The following ACSF2 variants were observed in gnomAD, a reference collection of about 807,000 sequenced individuals.
The protein encoded by ACSF2 is acyl-CoA synthetase family member 2.
A neutral mutation model predicts 79.3 loss-of-function variants in ACSF2; 52 were observed. That is an observed-to-expected ratio of 0.66 (90% CI 0.53 to 0.83). The LOEUF (loss-of-function observed/expected upper bound fraction) is 0.83, where lower values mean the gene tolerates loss of function less well. ACSF2 is among the 40% of genes least tolerant of loss of function. The pLI, the probability that ACSF2 is intolerant of heterozygous loss-of-function variation, is 0.00. For missense variants in ACSF2, 661 were observed against 803.3 expected, an observed-to-expected ratio of 0.82 and a Z score of 2.14; for synonymous variants, 283 against 312.6, an observed-to-expected ratio of 0.91 and a Z score of 1.00.
At chr17:50,455,928 C>T (rs1567850956) in intron 1 of ACSF2, among the ~76,000 whole-genome samples, 2 of 152,176 alleles carry the variant, frequency 1.3e-5, no homozygotes, top group South Asian at 2.1e-4. Context: ...CAGCCCCTGT[C>T]GTGACAGACC....
intron 10 of ACSF2, chr17:50,464,771 G>C (rs577577426): frequency 6.7e-5 from 22 of 328,800 alleles, no homozygotes; most frequent in South Asian, 3.3e-4. Flanking sequence ...GATTGACTTG[G>C]GGGGGGGGTC....
intron 11 of ACSF2, 102 bp from the exon 12 acceptor site, chr17:50,472,326 G>A: frequency 7.1e-7 from 1 of 1,410,518 alleles, no homozygotes. Flanking sequence ...CAGGCAGTTG[G>A]GTTGGGGGGT....
chr17:50,449,061 G>C (rs1480064241), intron 1 of ACSF2, among the ~76,000 whole-genome samples: 1 of 136,662 alleles, frequency 7.3e-6, no homozygotes, highest in Non-Finnish European at 1.5e-5. Context: ...CTGTCACCCA[G>C]GCTGGAGTGC....
rs776736009 is a variant in ACSF2 at position 50,426,397 on chromosome 17, C to T, written c.128+8C>T. ...GGGTGTCCGCTTCCTCAGGTACTGGCCCCCCGCGGGAAGAGAGGGGGCGGG... is the reference window on the plus strand; with the variant it reads ...GGGTGTCCGCTTCCTCAGGTACTGGTCCCCCGCGGGAAGAGAGGGGGCGGG... On this transcript the variant is annotated splice_region_variant and intron_variant, in intron 1 of 15. Coordinates refer to ENST00000300441, the MANE Select transcript of ACSF2 (RefSeq NM_025149.6). The T allele has an allele frequency of 1.3e-5, 17 of 1,327,704 alleles. No individual in the cohort carries two copies. In the South Asian group the frequency reaches 2.3e-4, roughly 18 times the overall value. 82.2% of individuals were successfully genotyped at this position (1,327,704 alleles called of 1,614,324 possible).
Position 50,466,073 on chromosome 17 carries a change from CTTT to C in ACSF2, c.1215+1793_1215+1795del, listed in dbSNP as rs10707664. 7.5e-5 allele frequency among the ~76,000 whole-genome samples: 9 copies of C among 120,028 alleles called. No individual in the cohort carries two copies. In the South Asian group the frequency reaches 7.9e-4, roughly 10 times the overall value. The allele number at this position is 120,028 out of a possible 152,430, so 78.7% of individuals were successfully genotyped here. A position where few individuals can be genotyped will look rare whatever the true frequency, so the allele number is the denominator to read the frequency against. On this transcript the variant is annotated intron_variant, in intron 10 of 15. Transcript: ENST00000300441. ...CCTTTGAGACAGATGGTGTTATTTT[CTTT>C]TTTTTTTTTTTTTCCTTTTTTTTTT...
At chr17:50,429,868 A>G (rs1442123057) in intron 1 of ACSF2, among the ~76,000 whole-genome samples, 1 of 152,150 alleles carries the variant, frequency 6.6e-6, no homozygotes, top group African/African-American at 2.4e-5. Flanking sequence ...TGCTCTCCAG[A>G]ACTCCTCACG....
chr17:50,468,262 G>GCT, intron 10 of ACSF2: 1 of 1,611,362 alleles, frequency 6.2e-7, no homozygotes, highest in Non-Finnish European at 8.5e-7. Context: ...GCTGCAGGGA[G>GCT]CTCAACGCGT....
At chr17:50,460,483 G>A in intron 1 of ACSF2, 194 bp from the exon 2 acceptor site, 2 of 602,970 alleles carry the variant, frequency 3.3e-6, no homozygotes, top group Non-Finnish European at 5.8e-6. Context: ...TCCCTGTCCT[G>A]CTGCCTTGGG....
chr17:50,464,079 A>C, intron 9 of ACSF2, 139 bp from the exon 10 acceptor site: 1 of 1,228,572 alleles, frequency 8.1e-7, no homozygotes, highest in Non-Finnish European at 1.2e-6. Context: ...ACACCAGCCC[A>C]GGGCCAGCTG....
intron 10 of ACSF2, chr17:50,468,565 C>T (rs201158957): frequency 3.7e-6 from 6 of 1,614,232 alleles, no homozygotes; most frequent in Non-Finnish European, 4.2e-6. Flanking sequence ...TCTGGCAGTG[C>T]TGCAGGTGCA....
At chr17:50,454,916 G>A (rs1349273740) in intron 1 of ACSF2, among the ~76,000 whole-genome samples, 2 of 152,072 alleles carry the variant, frequency 1.3e-5, no homozygotes, top group African/African-American at 4.8e-5. Flanking sequence ...CCACTGTTTG[G>A]TCTGAAAACC....
intron 1 of ACSF2, among the ~76,000 whole-genome samples, chr17:50,430,373 TAAAAG>T: frequency 6.6e-6 from 1 of 152,170 alleles, no homozygotes; most frequent in Admixed American, 6.5e-5. Flanking sequence ...AGTGGGTTTT[TAAAAG>T]AAAAGAAGGC....
intron 1 of ACSF2, among the ~76,000 whole-genome samples, chr17:50,458,414 A>T (rs934587906): frequency 1.3e-5 from 2 of 152,086 alleles, no homozygotes; most frequent in African/African-American, 4.8e-5. Flanking sequence ...CCTCTGCTGG[A>T]AAAGCCCTCC....
chr17:50,434,321 A>G (rs931406889), intron 1 of ACSF2, among the ~76,000 whole-genome samples: 4 of 151,510 alleles, frequency 2.6e-5, no homozygotes, highest in Admixed American at 2.6e-4. Context: ...CATGTCTCAA[A>G]TAATAATAAT....
intron 1 of ACSF2, among the ~76,000 whole-genome samples, chr17:50,432,685 G>A (rs1367694384): frequency 6.6e-6 from 1 of 152,148 alleles, no homozygotes; most frequent in Non-Finnish European, 1.5e-5. Context: ...CTTACAAATC[G>A]TGCTTTATAA....
rs917299412 is a variant in ACSF2 at position 50,473,712 on chromosome 17, G to A, written c.1523G>A (p.Arg508His). Residue 508 changes from arginine to histidine, a missense_variant, in exon 13 of 16, where the codon CGC becomes CAC. Coordinates refer to ENST00000300441, the MANE Select transcript of ACSF2 (RefSeq NM_025149.6). ...CAGGGCTTCTGCAAGATCGTGGGCC[G>A]CTCTAAGGATATGATCATCCGGGGT... ...NEQGFCKIVG[R>H]SKDMIIRGGE... 6.2e-6 allele frequency: 10 copies of A among 1,614,050 alleles called. No individual in the cohort carries two copies. The highest frequency in any genetic ancestry group is 1.6e-4 in the Middle Eastern group (1 of 6,080).
Position 50,426,379 on chromosome 17 carries a change from C to T in ACSF2, c.118C>T (p.Arg40Cys), listed in dbSNP as rs760599020. The T allele has an allele frequency of 2.0e-5, 27 of 1,374,740 alleles. No homozygotes were observed. The highest frequency in any genetic ancestry group is 2.5e-5 in the Non-Finnish European group (26 of 1,056,814). The allele number at this position is 1,374,740 out of a possible 1,614,324, so 85.2% of individuals were successfully genotyped here. A position where few individuals can be genotyped will look rare whatever the true frequency, so the allele number is the denominator to read the frequency against. The part of the protein sequence containing the change: ...SWQEARLQGV[R>C]FLSSREVDRM... ...GCAGGAAGCCAGGTTGCAGGGTGTC[C>T]GCTTCCTCAGGTACTGGCCCCCCGC... Residue 40 changes from arginine to cysteine, a missense_variant, in exon 1 of 16, where the codon CGC becomes TGC. Transcript: ENST00000300441.
intron 10 of ACSF2, chr17:50,468,241 C>T: frequency 6.2e-7 from 1 of 1,612,264 alleles, no homozygotes; most frequent in Non-Finnish European, 8.5e-7. Context: ...CCACGTCGTC[C>T]AGGGCCCCGG....
At position 50,474,484 on chromosome 17, in the gene ACSF2, C is replaced by G. The variant is rs1227251754; in HGVS notation, c.1798-18C>G. 1.2e-6 allele frequency: 2 copies of G among 1,613,772 alleles called. No individual in the cohort carries two copies. Among genetic ancestry groups the G allele is most frequent in the South Asian group, 2.2e-5 (2 of 91,060 alleles). On this transcript the variant is annotated intron_variant, in intron 15 of 15. Transcript: ENST00000300441. The surrounding 1 kb of genome is among the most constrained non-coding windows in gnomAD (Gnocchi z 4.2). ...ACCAAGACAGCTGGTAACCCTAACT[C>G]CATTTTCTTTCCTCTAGATCCAGAA... is the stretch of plus-strand genomic sequence containing the variant.
Sources: gnomAD v4.1 joint callset for allele counts (sites outside exome capture counted in the v4.1 genomes callset) on GRCh38, gnomAD v4.1.1 for gene constraint, Gnocchi (gnomAD v3.1) non-coding constraint, MANE v1.5 for transcripts, NCBI Gene and HGNC (gene_info 2026-07-23, HGNC 2026-07-21) for gene names.